Variants in SYT1 observed in about 807,000 individuals in gnomAD.
SYT1 encodes the protein synaptotagmin-1.
Under a neutral mutation model 44.8 loss-of-function variants are expected in SYT1, and 8 were observed. The ratio of observed to expected loss-of-function variants is 0.18; its 90% CI spans 0.10 to 0.32. The LOEUF (loss-of-function observed/expected upper bound fraction) is 0.32, where lower values mean the gene tolerates loss of function less well. Ranked by LOEUF, SYT1 falls within the 10% of genes least tolerant of loss-of-function variation. The pLI, the probability that SYT1 is intolerant of heterozygous loss-of-function variation, is 1.00. For missense variants in SYT1, 286 were observed against 509.3 expected, an observed-to-expected ratio of 0.56 and a Z score of 4.22; for synonymous variants, 154 against 188.8, an observed-to-expected ratio of 0.82 and a Z score of 1.51.
At chr12:79,000,362 C>G (rs781462238) in intron 2 of SYT1, among the ~76,000 whole-genome samples, 1 of 145,064 alleles carries the variant, frequency 6.9e-6, no homozygotes, top group African/African-American at 2.6e-5. Flanking sequence ...GGCACAATCT[C>G]AGCTCAATGC....
At chr12:78,933,229 C>T (rs1025705278) in intron 1 of SYT1, among the ~76,000 whole-genome samples, 2 of 151,982 alleles carry the variant, frequency 1.3e-5, no homozygotes, top group African/African-American at 4.8e-5. Context: ...TGACTAATAC[C>T]AGGGCAATCT....
intron 3 of SYT1, among the ~76,000 whole-genome samples, chr12:79,058,397 TA>T (rs1385636720): frequency 6.6e-6 from 1 of 152,062 alleles, no homozygotes; most frequent in Non-Finnish European, 1.5e-5. Context: ...ATGTGAAAAA[TA>T]ACTAAAGCCA....
chr12:79,249,026 C>T (rs1275406945), intron 4 of SYT1, among the ~76,000 whole-genome samples: 3 of 148,672 alleles, frequency 2.0e-5, no homozygotes, highest in Non-Finnish European at 3.0e-5. Flanking sequence ...ATGGCTATTC[C>T]GGCTTAGAGT....
intron 3 of SYT1, among the ~76,000 whole-genome samples, chr12:79,049,573 A>G (rs1009859709): frequency 7.9e-5 from 12 of 152,158 alleles, no homozygotes; most frequent in Middle Eastern, 3.4e-3. Flanking sequence ...TTGTCAAAAC[A>G]TAAGAGTTCT....
chr12:79,146,003 C>T (rs1443390981), intron 3 of SYT1, among the ~76,000 whole-genome samples: 2 of 152,016 alleles, frequency 1.3e-5, no homozygotes, highest in Non-Finnish European at 2.9e-5. Context: ...GTGATCCGCC[C>T]GCCTCGGCCT....
intron 1 of SYT1, among the ~76,000 whole-genome samples, chr12:78,912,496 G>T (rs1029675324): frequency 2.0e-5 from 3 of 151,854 alleles, no homozygotes; most frequent in African/African-American, 7.2e-5. Flanking sequence ...TTTCCTAGCA[G>T]CTCTGTGAAG....
chr12:79,305,967 G>C (rs902491526), intron 8 of SYT1, among the ~76,000 whole-genome samples: 2 of 152,136 alleles, frequency 1.3e-5, no homozygotes, highest in Non-Finnish European at 2.9e-5. Flanking sequence ...AAAGTGCTGG[G>C]ATTACACGTG....
At chr12:79,308,548 GAAAA>G (rs1245137786) in intron 8 of SYT1, among the ~76,000 whole-genome samples, 27 of 122,536 alleles carry the variant, frequency 2.2e-4, no homozygotes, top group Admixed American at 8.5e-4. Context: ...AAGAAAGAAA[GAAAA>G]AAGAAAGAAA....
At chr12:79,324,428 G>T (rs992352381) in intron 8 of SYT1, among the ~76,000 whole-genome samples, 2 of 152,006 alleles carry the variant, frequency 1.3e-5, no homozygotes, top group Admixed American at 6.6e-5. Flanking sequence ...ACATGACCCC[G>T]CCTTCATTCC....
intron 2 of SYT1, among the ~76,000 whole-genome samples, chr12:79,026,671 A>T (rs940551407): frequency 7.8e-4 from 55 of 70,954 alleles, no homozygotes; most frequent in African/African-American, 2.9e-3. Context: ...TATATTTTAT[A>T]TATATATATA....
At chr12:79,084,527 C>T (rs946238198) in intron 3 of SYT1, among the ~76,000 whole-genome samples, 2 of 152,056 alleles carry the variant, frequency 1.3e-5, no homozygotes, top group African/African-American at 4.8e-5. Flanking sequence ...AAGTCCATAT[C>T]TGACTGCTGC....
intron 8 of SYT1, among the ~76,000 whole-genome samples, chr12:79,310,124 T>C (rs1438559588): frequency 2.6e-5 from 4 of 152,166 alleles, no homozygotes; most frequent in Admixed American, 2.6e-4. Flanking sequence ...TGCCTAGGTT[T>C]TCTTCTAGGG....
intron 3 of SYT1, among the ~76,000 whole-genome samples, chr12:79,048,630 A>G (rs1310872581): frequency 6.6e-6 from 1 of 151,950 alleles, no homozygotes; most frequent in African/African-American, 2.4e-5. Context: ...CAAAATGTTT[A>G]CACTTTTAAA....
chr12:78,892,815 T>G (rs1404007235), intron 1 of SYT1, among the ~76,000 whole-genome samples: 1 of 151,766 alleles, frequency 6.6e-6, no homozygotes, highest in Non-Finnish European at 1.5e-5. Context: ...AAGAGGAGAA[T>G]TATTTTTTTC....
chr12:79,353,192 G>A (rs11113863), intron 8 of SYT1, among the ~76,000 whole-genome samples: 5,020 of 152,132 alleles, frequency 0.033, 94 homozygotes, highest in Middle Eastern at 0.065. Flanking sequence ...GCTATTCAGA[G>A]CACAAAGTCT....
chr12:78,894,330 G>GTTTTTTTTTTTTTTTTTTTTTTTTTA (rs1875228701), intron 1 of SYT1, among the ~76,000 whole-genome samples: 1 of 27,710 alleles, frequency 3.6e-5, no homozygotes, highest in Non-Finnish European at 6.6e-5. Flanking sequence ...TTTTTAATCT[G>GTTTTTTTTTTTTTTTTTTTTTTTTTA]TTTTTTTTTT....
chr12:78,955,843 TAGAGAG>T (rs144591118), intron 1 of SYT1, among the ~76,000 whole-genome samples: 1 of 144,764 alleles, frequency 6.9e-6, no homozygotes, highest in East Asian at 2.0e-4. Flanking sequence ...TGTGTGCATG[TAGAGAG>T]AGAGAGAGAG....
intron 8 of SYT1, among the ~76,000 whole-genome samples, chr12:79,353,113 A>G (rs1271479017): frequency 6.6e-6 from 1 of 152,230 alleles, no homozygotes; most frequent in African/African-American, 2.4e-5. Context: ...GATTGATTCA[A>G]CTAAAGTGTT....
chr12:78,884,261 C>G (rs115123732), intron 1 of SYT1, among the ~76,000 whole-genome samples: 2 of 151,466 alleles, frequency 1.3e-5, no homozygotes, highest in Admixed American at 1.3e-4. Flanking sequence ...TTACTTTATA[C>G]AATCTACAGT....
Sources: allele counts gnomAD v4.1 joint callset (sites outside exome capture counted in the v4.1 genomes callset), GRCh38; gene constraint gnomAD v4.1.1; transcripts MANE v1.5; gene names NCBI Gene and HGNC (gene_info 2026-07-23, HGNC 2026-07-21).